Variants in PFKM observed in about 807,000 individuals in gnomAD.
PFKM encodes the protein ATP-dependent 6-phosphofructokinase, muscle type.
A neutral mutation model predicts 95.5 loss-of-function variants in PFKM; 58 were observed. That is an observed-to-expected ratio of 0.61 (90% CI 0.49 to 0.76). PFKM has a LOEUF of 0.76. PFKM is among the 30% of genes least tolerant of loss of function. PFKM has a pLI of 0.00. For synonymous variants in PFKM, 336 were observed against 357.2 expected (o/e 0.94, Z 0.67); for missense variants, 678 against 1,005.4 (o/e 0.67, Z 4.40).
chr12:48,143,018 A>T, intron 18 of PFKM, 72 bp downstream of exon 18: 1 of 1,434,582 alleles, frequency 7.0e-7, no homozygotes, highest in Non-Finnish European at 9.7e-7. Context: ...GATCTGAACT[A>T]TGAGAGCTCA....
chr12:48,137,981 G>C, intron 11 of PFKM, 135 bp downstream of exon 11: 1 of 946,514 alleles, frequency 1.1e-6, no homozygotes, highest in South Asian at 1.4e-5. Context: ...AGAGACATGT[G>C]GGGAAAGAAC....
chr12:48,107,440 A>T (rs1347260482), exon 2 of PFKM: 2 of 1,595,984 alleles, frequency 1.3e-6, no homozygotes, highest in Non-Finnish European at 1.7e-6. Flanking sequence ...GTTAGTCAGG[A>T]CTCCTCAGAG....
intron 2 of PFKM, 132 bp downstream of exon 2, chr12:48,122,991 C>A: frequency 3.9e-6 from 3 of 766,900 alleles, no homozygotes; most frequent in African/African-American, 1.7e-5. Context: ...TTCTGTGAGG[C>A]CTAAGTCCTC....
At chr12:48,131,516 A>G (rs1367223830) in intron 4 of PFKM, 123 bp downstream of exon 4, 3 of 765,830 alleles carry the variant, frequency 3.9e-6, no homozygotes, top group Non-Finnish European at 7.0e-6. Context: ...TTCAGTGACA[A>G]GAGAGGGACC....
intron 1 of PFKM, among the ~76,000 whole-genome samples, chr12:48,120,862 A>G (rs1284618425): frequency 6.6e-6 from 1 of 152,242 alleles, no homozygotes; most frequent in East Asian, 1.9e-4. Flanking sequence ...AAAATGCCAC[A>G]TAAAGCAGGC....
rs1328260316 is a variant in PFKM at position 48,145,380 on chromosome 12, C to T, written c.2198+65C>T. On this transcript the variant is annotated intron_variant, in intron 22 of 22. Coordinates refer to ENST00000359794, the MANE Select transcript of PFKM (RefSeq NM_000289.6). This position sits in a 1 kb window ranked among gnomAD's most constrained non-coding sequence, Gnocchi z 4.3. Reference sequence around the variant, plus strand: ...TAGTTTCAAGCTCTACTGTCCTCAACCTGTTCACTGTCTTTAATTCTTTTT... The same window carrying T: ...TAGTTTCAAGCTCTACTGTCCTCAATCTGTTCACTGTCTTTAATTCTTTTT... 1 of 1,405,592 alleles carries T rather than the reference C, an allele frequency of 7.1e-7. No homozygotes were observed. Among genetic ancestry groups the T allele is most frequent in the Non-Finnish European group, 1.0e-6 (1 of 991,678 alleles). 87.1% of individuals were successfully genotyped at this position (1,405,592 alleles called of 1,614,324 possible).
upstream of PFKM, chr12:48,119,295 C>T (rs1592635405): frequency 3.0e-6 from 3 of 984,456 alleles, no homozygotes; most frequent in South Asian, 1.4e-4. Context: ...CCTCCTTCCC[C>T]CTCCCTCTTT....
chr12:48,122,414 C>T (rs949340679), intron 1 of PFKM, among the ~76,000 whole-genome samples: 11 of 152,206 alleles, frequency 7.2e-5, no homozygotes, highest in South Asian at 4.1e-4. Flanking sequence ...AGGGAGGGAT[C>T]GTTGAGGCTA....
chr12:48,123,092 T>C (rs933119731), intron 2 of PFKM, among the ~76,000 whole-genome samples: 1 of 152,210 alleles, frequency 6.6e-6, no homozygotes, highest in African/African-American at 2.4e-5. Flanking sequence ...GGGGGCTCTT[T>C]TGGTCTTTGG....
chr12:48,128,728 C>G (rs1253412345), intron 2 of PFKM, among the ~76,000 whole-genome samples: 1 of 152,102 alleles, frequency 6.6e-6, no homozygotes, highest in Non-Finnish European at 1.5e-5. Flanking sequence ...TTTGGTGCTG[C>G]AGATTTTTCC....
chr12:48,107,979 C>G lies in PFKM; in HGVS notation c.83-93C>G, dbSNP rs1946848446. 3 of 1,289,692 alleles carry G rather than the reference C, an allele frequency of 2.3e-6. No homozygotes were observed. The Admixed American group carries it at 6.1e-5, about 26-fold the overall frequency. 79.9% of individuals were successfully genotyped at this position (1,289,692 alleles called of 1,614,324 possible). On this transcript the variant is annotated intron_variant, in intron 2 of 24. Transcript: ENST00000340802. Reference sequence around the variant, plus strand: ...GGATTTTTGGAAAGAAAGCCCTGGACAGCTCAGAGTCATAGGGAAAATGAA... The same window carrying G: ...GGATTTTTGGAAAGAAAGCCCTGGAGAGCTCAGAGTCATAGGGAAAATGAA...
chr12:48,106,229 C>A, intron 1 of PFKM: 1 of 648,764 alleles, frequency 1.5e-6, no homozygotes, highest in African/African-American at 1.8e-5. Flanking sequence ...GCCCGAGAAG[C>A]GAAGGGAGCA....
At chr12:48,118,183 A>T (rs1320512596), upstream of PFKM, among the ~76,000 whole-genome samples, 1 of 152,176 alleles carries the variant, frequency 6.6e-6, no homozygotes. Flanking sequence ...TCAACGTCTG[A>T]ACTAGTTTTT....
At chr12:48,143,009 A>C (rs555976810) in intron 18 of PFKM, 63 bp downstream of exon 18, 1 of 1,489,282 alleles carries the variant, frequency 6.7e-7, no homozygotes, top group Non-Finnish European at 9.3e-7. Context: ...TTCCACAGTG[A>C]TCTGAACTAT....
intron 8 of PFKM, 49 bp from the exon 9 acceptor site, chr12:48,134,894 A>G: frequency 6.3e-7 from 1 of 1,588,066 alleles, no homozygotes; most frequent in Non-Finnish European, 8.6e-7. Flanking sequence ...TCTCTTTCCC[A>G]CCCATCAGCT....
chr12:48,124,161 A>G (rs1237385775), intron 2 of PFKM, among the ~76,000 whole-genome samples: 2 of 152,174 alleles, frequency 1.3e-5, no homozygotes, highest in Non-Finnish European at 2.9e-5. Flanking sequence ...AATATTTATT[A>G]TAATTGTGAT....
At chr12:48,118,636 A>G, upstream of PFKM, 1 of 933,568 alleles carries the variant, frequency 1.1e-6, no homozygotes. Context: ...CTTTTTCCAG[A>G]GTGGATCCTG....
At chr12:48,106,326 C>T (rs1946596315) in intron 1 of PFKM, 1 of 566,320 alleles carries the variant, frequency 1.8e-6, no homozygotes, top group Non-Finnish European at 3.1e-6. Context: ...GTGAGCCCTT[C>T]GTCCTATGCT....
At chr12:48,134,882 G>T in intron 8 of PFKM, 53 bp downstream of exon 8, 1 of 1,589,700 alleles carries the variant, frequency 6.3e-7, no homozygotes, top group Non-Finnish European at 8.6e-7. Context: ...TTCCACTGAT[G>T]ATCTCTTTCC....
Sources: gnomAD v4.1 joint callset for allele counts (sites outside exome capture counted in the v4.1 genomes callset) on GRCh38, gnomAD v4.1.1 for gene constraint, Gnocchi (gnomAD v3.1) non-coding constraint, MANE v1.5 for transcripts, NCBI Gene and HGNC (gene_info 2026-07-23, HGNC 2026-07-21) for gene names.